AFG3L2: variants seen among roughly 807,000 people sequenced by gnomAD.
The protein encoded by AFG3L2 is AFG3 like matrix AAA peptidase subunit 2, also known as mitochondrial inner membrane m-AAA protease component AFG3L2.
Under a neutral mutation model 94.5 loss-of-function variants are expected in AFG3L2, and 54 were observed. The observed-to-expected ratio is 0.57, with a 90% confidence interval of 0.46 to 0.72. The LOEUF is 0.72. Ranked by LOEUF, AFG3L2 falls within the 30% of genes least tolerant of loss-of-function variation. The pLI, the probability that AFG3L2 is intolerant of heterozygous loss-of-function variation, is 0.00. For missense variants in AFG3L2, 754 were observed against 994.9 expected, an observed-to-expected ratio of 0.76 and a Z score of 3.26; for synonymous variants, 377 against 365.5, an observed-to-expected ratio of 1.03 and a Z score of -0.36.
intron 16 of AFG3L2, among the ~76,000 whole-genome samples, chr18:12,331,808 AATATATATATAT>A (rs35558132): frequency 1.4e-5 from 2 of 146,348 alleles, no homozygotes; most frequent in African/African-American, 5.3e-5. Flanking sequence ...TAAATAAATA[AATATATATATAT>A]ATATATATAT....
intron 13 of AFG3L2, among the ~76,000 whole-genome samples, chr18:12,345,006 G>C (rs934977890): frequency 1.3e-5 from 2 of 152,210 alleles, no homozygotes; most frequent in African/African-American, 4.8e-5. Flanking sequence ...CGCGAAGATG[G>C]CTGCCATAAG....
chr18:12,356,286 G>A (rs1467057335), intron 9 of AFG3L2, among the ~76,000 whole-genome samples: 1 of 151,960 alleles, frequency 6.6e-6, no homozygotes, highest in Non-Finnish European at 1.5e-5. Flanking sequence ...GAAATAGCTG[G>A]GATTATAGGC....
chr18:12,345,793 G>A (rs1195952301), intron 13 of AFG3L2, among the ~76,000 whole-genome samples: 5 of 152,184 alleles, frequency 3.3e-5, no homozygotes, highest in Non-Finnish European at 5.9e-5. Flanking sequence ...TCTCTACAGT[G>A]AATTATTATA....
intron 1 of AFG3L2, among the ~76,000 whole-genome samples, chr18:12,374,411 C>G (rs761731242): frequency 6.6e-6 from 1 of 152,150 alleles, no homozygotes; most frequent in African/African-American, 2.4e-5. Context: ...TCTTCCTCAC[C>G]GTGAAAGCAG....
rs71369930 is a variant in AFG3L2, at chr18:12,370,463, C to CTTTTTTTTTT, written c.292+376_292+385dup. ...TTCACAACTGACTTACTATAACTTT[C>CTTTTTTTTTT]TTTTTTTTTTTTTTTTCTTTTTTTT... is the stretch of plus-strand genomic sequence containing the variant. On this transcript the variant is annotated intron_variant, in intron 3 of 16. Transcript: ENST00000269143. 2.6e-4 allele frequency among the ~76,000 whole-genome samples: 31 copies of CTTTTTTTTTT among 121,042 alleles called. 1 individual carries two copies. Among genetic ancestry groups the CTTTTTTTTTT allele is most frequent in the African/African-American group, 9.6e-4 (28 of 29,250 alleles). 79.4% of individuals were successfully genotyped at this position (121,042 alleles called of 152,430 possible). A position where few individuals can be genotyped will look rare whatever the true frequency, so the allele number is the denominator to read the frequency against.
intron 8 of AFG3L2, among the ~76,000 whole-genome samples, chr18:12,357,462 T>C (rs1908529980): frequency 6.6e-6 from 1 of 152,238 alleles, no homozygotes; most frequent in South Asian, 2.1e-4. Context: ...AATGATATTT[T>C]TTCTAGGCTT....
chr18:12,370,905 T>C lies in AFG3L2; in HGVS notation c.236A>G (p.Asn79Ser). The change falls in exon 3 of 17, where the codon AAT (asparagine) becomes AGT (serine). Residue 79 changes from asparagine (N) to serine (S), a missense_variant. This residue lies in a region of AFG3L2 where 236 missense variants were observed against 214.0 expected (regional missense o/e 1.10). Coordinates refer to ENST00000269143, the MANE Select transcript of AFG3L2 (RefSeq NM_006796.3). ...PPKGFEKYFP[N>S]GKNGKKASEP... The stretch of plus-strand genomic sequence containing the variant: ...ACTAGCTTTTTTTCCATTTTTTCCA[T>C]TAGGAAAGTATTTTTCAAATCCTGT... 1 of 1,573,942 alleles carries C rather than the reference T, an allele frequency of 6.4e-7. No homozygotes were observed. The highest frequency in any genetic ancestry group is 8.7e-7 in the Non-Finnish European group (1 of 1,147,910).
At chr18:12,356,336 C>G (rs150835542) in intron 9 of AFG3L2, among the ~76,000 whole-genome samples, 30 of 152,122 alleles carry the variant, frequency 2.0e-4, no homozygotes, top group African/African-American at 6.7e-4. Context: ...ATTTTTAGTA[C>G]AGACAGGGTT....
At chr18:12,371,830 A>C in intron 1 of AFG3L2, 139 bp from the exon 2 acceptor site, 1 of 712,938 alleles carries the variant, frequency 1.4e-6, no homozygotes, top group Non-Finnish European at 2.5e-6. Context: ...TGACTCCCTT[A>C]GTGAGGACTA....
At chr18:12,360,255 G>A (rs1304322346) in intron 6 of AFG3L2, 27 of 559,662 alleles carry the variant, frequency 4.8e-5, no homozygotes, top group South Asian at 2.2e-4. Flanking sequence ...TGGCAAATAA[G>A]CATTTCTTTA....
chr18:12,350,425 TA>T (rs1908278137), intron 12 of AFG3L2, among the ~76,000 whole-genome samples: 2 of 149,402 alleles, frequency 1.3e-5, no homozygotes, highest in Non-Finnish European at 2.9e-5. Context: ...ATAGAGCTTT[TA>T]AAAAAACGCT....
intron 1 of AFG3L2, among the ~76,000 whole-genome samples, chr18:12,376,392 T>A (rs773152907): frequency 1.3e-5 from 2 of 152,254 alleles, no homozygotes; most frequent in Non-Finnish European, 2.9e-5. Flanking sequence ...TCTAGAGGGA[T>A]GGCTACCAAC....
chr18:12,339,881 G>T (rs372679619), intron 15 of AFG3L2, among the ~76,000 whole-genome samples: 269 of 147,080 alleles, frequency 1.8e-3, no homozygotes, highest in Non-Finnish European at 3.1e-3. Context: ...TTAGCCACAT[G>T]TGGTGGCGCA....
Position 12,367,059 on chromosome 18 carries a change from A to C in AFG3L2, c.458T>G (p.Phe153Cys). 2 of 1,614,232 alleles carry C rather than the reference A, an allele frequency of 1.2e-6. No homozygotes were observed. Among genetic ancestry groups the C allele is most frequent in the South Asian group, 2.2e-5 (2 of 91,084 alleles). The stretch of plus-strand genomic sequence containing the variant: ...CAAGTAAAACATGACTCCACCCCAG[A>C]ACAGAGCAGTCCAGAGGAAGAACAT... ...FRMFFLWTALFWGGVMFYLLL... is the reference protein window; with the variant it reads ...FRMFFLWTALCWGGVMFYLLL... The change falls in exon 5 of 17, where the codon TTC becomes TGC. Residue 153 changes from phenylalanine (F) to cysteine (C), a missense_variant. Around this residue, in one of 4 missense-constraint regions of AFG3L2, gnomAD observed 236 missense variants for 214.0 expected, o/e 1.10. Coordinates refer to ENST00000269143, the MANE Select transcript of AFG3L2 (RefSeq NM_006796.3).
intron 3 of AFG3L2, among the ~76,000 whole-genome samples, chr18:12,369,485 C>A (rs1020434533): frequency 2.6e-5 from 4 of 152,154 alleles, no homozygotes; most frequent in African/African-American, 9.7e-5. Flanking sequence ...AATCCTAGCA[C>A]TTTGGGAGGC....
chr18:12,330,436 C>T (rs890474717), intron 16 of AFG3L2, among the ~76,000 whole-genome samples: 3 of 152,056 alleles, frequency 2.0e-5, no homozygotes, highest in Non-Finnish European at 4.4e-5. Flanking sequence ...CAGCATCTTA[C>T]GTTTGCTTTT....
At chr18:12,350,304 C>A (rs1908274472) in intron 12 of AFG3L2, among the ~76,000 whole-genome samples, 1 of 152,136 alleles carries the variant, frequency 6.6e-6, no homozygotes, top group Non-Finnish European at 1.5e-5. Context: ...AGCCACCGTG[C>A]CCAGCCCAAA....
chr18:12,340,578 A>T (rs1185077462), intron 14 of AFG3L2, among the ~76,000 whole-genome samples, 177 bp from the exon 15 acceptor site: 1 of 115,610 alleles, frequency 8.6e-6, no homozygotes, highest in African/African-American at 3.3e-5. Flanking sequence ...TTCTCTCAGG[A>T]TAAGTTCACC....
At chr18:12,332,184 C>T (rs1029082033) in intron 16 of AFG3L2, among the ~76,000 whole-genome samples, 12 of 140,862 alleles carry the variant, frequency 8.5e-5, no homozygotes, top group Non-Finnish European at 1.5e-4. Flanking sequence ...AGTACAATGG[C>T]GCGATGTTGG....
Sources: allele counts gnomAD v4.1 joint callset (sites outside exome capture counted in the v4.1 genomes callset), GRCh38; gene constraint gnomAD v4.1.1; regional missense constraint gnomAD v4.1.1; transcripts MANE v1.5; gene names NCBI Gene and HGNC (gene_info 2026-07-23, HGNC 2026-07-21).